BRD10: variants seen among roughly 807,000 people sequenced by gnomAD.
The protein encoded by BRD10 is bromodomain containing 10.
At chr9:5,891,852 G>C in the BRD10 span, among the ~76,000 whole-genome samples, 1 of 152,334 alleles carries the variant, frequency 6.6e-6, no homozygotes, top group Admixed American at 6.5e-5. Context: ...CCTGGGGACA[G>C]GCTGAAGCCC....
the BRD10 span, among the ~76,000 whole-genome samples, chr9:5,890,459 G>C: frequency 1.3e-5 from 2 of 152,040 alleles, no homozygotes. Context: ...TGATGCCTTT[G>C]GTGTTAACTG....
chr9:5,882,392 C>A, the BRD10 span, among the ~76,000 whole-genome samples: 1 of 152,102 alleles, frequency 6.6e-6, no homozygotes, highest in Non-Finnish European at 1.5e-5. Context: ...CCCAAGCTAG[C>A]CAAACAAGTG....
At chr9:5,933,894 A>G in the BRD10 span, 1 of 465,826 alleles carries the variant, frequency 2.1e-6, no homozygotes, top group East Asian at 6.9e-5. Flanking sequence ...AAAAAGGAAA[A>G]AAAGAGGGAC....
At chr9:6,007,705 T>C in the BRD10 span, 1 of 1,608,088 alleles carries the variant, frequency 6.2e-7, no homozygotes, top group African/African-American at 1.3e-5. Flanking sequence ...CTCCTCCTCG[T>C]CGTCCTCTCC....
the BRD10 span, among the ~76,000 whole-genome samples, chr9:5,884,197 A>G: frequency 0.012 from 1,824 of 152,334 alleles, 18 homozygotes; most frequent in Middle Eastern, 0.024. Context: ...ACACACAACA[A>G]TACAGGTAAT....
the BRD10 span, among the ~76,000 whole-genome samples, chr9:5,926,669 C>T: frequency 2.0e-5 from 3 of 152,040 alleles, no homozygotes. Flanking sequence ...GTAGCTGGGA[C>T]TACAGGTGCC....
the BRD10 span, among the ~76,000 whole-genome samples, chr9:5,926,721 C>T: frequency 2.0e-5 from 3 of 152,032 alleles, no homozygotes; most frequent in South Asian, 2.1e-4. Flanking sequence ...TTAGTAGAGA[C>T]GGGGTTTCAT....
At chr9:5,968,672 C>T in the BRD10 span, 1 of 1,613,698 alleles carries the variant, frequency 6.2e-7, no homozygotes, top group African/African-American at 1.3e-5. Context: ...TTCTCCATTA[C>T]TTGTACTAAC....
chr9:5,951,952 CCT>C, the BRD10 span, among the ~76,000 whole-genome samples: 17 of 152,080 alleles, frequency 1.1e-4, no homozygotes, highest in African/African-American at 3.9e-4. Flanking sequence ...TCTCTTCTTC[CCT>C]CTCTGTTTTC....
At chr9:5,954,740 T>C in the BRD10 span, among the ~76,000 whole-genome samples, 1 of 152,118 alleles carries the variant, frequency 6.6e-6, no homozygotes, top group Admixed American at 6.6e-5. Flanking sequence ...CAGTATACAC[T>C]GAAATATATC....
chr9:5,904,589 C>G, the BRD10 span, among the ~76,000 whole-genome samples: 1 of 152,068 alleles, frequency 6.6e-6, no homozygotes, highest in Admixed American at 6.5e-5. Context: ...TCTCCTGTCT[C>G]AGCCTCCTGA....
the BRD10 span, chr9:5,924,658 C>T: frequency 3.3e-6 from 5 of 1,492,606 alleles, no homozygotes; most frequent in East Asian, 4.7e-5. Context: ...TAATGCTTAC[C>T]TGAATCAAAG....
the BRD10 span, among the ~76,000 whole-genome samples, chr9:5,941,143 A>T: frequency 2.0e-5 from 3 of 152,188 alleles, 1 homozygote; most frequent in Admixed American, 2.0e-4. Flanking sequence ...TTAGAAATAT[A>T]AGTTTGGCGA....
chr9:5,921,075 C>CATTAACAGGGGTAAT, the BRD10 span: 1 of 1,613,852 alleles, frequency 6.2e-7, no homozygotes, highest in East Asian at 2.2e-5. Context: ...ACCACTGATT[C>CATTAACAGGGGTAAT]ATTAACAGGG....
At chr9:5,990,877 G>A in the BRD10 span, among the ~76,000 whole-genome samples, 3 of 151,946 alleles carry the variant, frequency 2.0e-5, no homozygotes, top group Non-Finnish European at 2.9e-5. Flanking sequence ...CATGCTTCTC[G>A]GAATTTATCC....
the BRD10 span, among the ~76,000 whole-genome samples, chr9:5,979,507 CA>C: frequency 7.0e-6 from 1 of 142,198 alleles, no homozygotes; most frequent in African/African-American, 2.6e-5. Flanking sequence ...GAACCTGTCT[CA>C]AAAAAAACCC....
chr9:5,897,592 G>C, the BRD10 span: 14 of 1,614,042 alleles, frequency 8.7e-6, no homozygotes, highest in Non-Finnish European at 9.3e-6. Flanking sequence ...GTGATCCTGG[G>C]AGTCTTACTG....
At chr9:6,008,050 G>GGC in the BRD10 span, 3 of 1,136,666 alleles carry the variant, frequency 2.6e-6, no homozygotes, top group South Asian at 4.2e-5. Flanking sequence ...CCCCGGCGGC[G>GGC]GCGCGCGCAC....
chr9:5,926,911 C>T, the BRD10 span, among the ~76,000 whole-genome samples: 2 of 152,152 alleles, frequency 1.3e-5, no homozygotes, highest in African/African-American at 4.8e-5. Flanking sequence ...ACTTACCTCT[C>T]AGTACGTGTG....
Sources: allele counts gnomAD v4.1 joint callset (sites outside exome capture counted in the v4.1 genomes callset), GRCh38; gene constraint gnomAD v4.1.1; transcripts MANE v1.5; gene names NCBI Gene and HGNC (gene_info 2026-07-23, HGNC 2026-07-21).